The following LVRN variants were observed in gnomAD, a reference collection of about 807,000 sequenced individuals.
LVRN encodes laeverin.
In LVRN, 99 loss-of-function variants were observed where a neutral mutation model predicts 111.4. The ratio of observed to expected loss-of-function variants is 0.89; its 90% confidence interval spans 0.76 to 1.05. The LOEUF is 1.05. LVRN is among the 50% of genes least tolerant of loss of function. The probability of loss-of-function intolerance (pLI) is 0.00; values close to 1 mark genes in which losing one functional copy is unlikely to be tolerated. For missense variants in LVRN, 1,414 were observed against 1,206.8 expected (o/e 1.17, Z -2.54); for synonymous variants, 488 against 449.5 (o/e 1.09, Z -1.08).
intron 13 of LVRN, among the ~76,000 whole-genome samples, chr5:116,009,371 C>T (rs1287809102): frequency 6.6e-6 from 1 of 152,198 alleles, no homozygotes; most frequent in Admixed American, 6.6e-5. Flanking sequence ...TTCATGCCCA[C>T]TAACACAATA....
At chr5:115,986,678 G>A (rs542035373) in intron 3 of LVRN, among the ~76,000 whole-genome samples, 155 of 152,256 alleles carry the variant, frequency 1.0e-3, no homozygotes, top group Non-Finnish European at 2.0e-3. Flanking sequence ...TTCTCATTAA[G>A]TAACAGATAA....
At chr5:115,997,747 A>G (rs1044808861) in intron 6 of LVRN, among the ~76,000 whole-genome samples, 2 of 152,170 alleles carry the variant, frequency 1.3e-5, no homozygotes, top group Non-Finnish European at 2.9e-5. Context: ...ACAGATTCAT[A>G]TTATCTAATC....
intron 13 of LVRN, among the ~76,000 whole-genome samples, chr5:116,008,181 A>C (rs144032119): frequency 1.0e-3 from 158 of 151,948 alleles, no homozygotes; most frequent in African/African-American, 3.6e-3. Flanking sequence ...TCTCTACTAA[A>C]AATACAAAAA....
chr5:116,015,084 A>C (rs1561569151), intron 16 of LVRN, among the ~76,000 whole-genome samples, 168 bp from the exon 17 acceptor site: 1 of 152,144 alleles, frequency 6.6e-6, no homozygotes, highest in South Asian at 2.1e-4. Flanking sequence ...ATCTCTTCTC[A>C]TGGAACTAAT....
intron 6 of LVRN, among the ~76,000 whole-genome samples, chr5:115,999,006 G>T (rs566229996): frequency 6.6e-6 from 1 of 152,214 alleles, no homozygotes; most frequent in Non-Finnish European, 1.5e-5. Context: ...AAGATAGTCA[G>T]TAGGGACTTG....
At chr5:115,963,524 T>C (rs1304574373) in intron 1 of LVRN, among the ~76,000 whole-genome samples, 1 of 152,192 alleles carries the variant, frequency 6.6e-6, no homozygotes, top group African/African-American at 2.4e-5. Flanking sequence ...TTGTTACATA[T>C]GTATACGTGT....
At chr5:116,004,554 T>G (rs1455090611) in intron 12 of LVRN, among the ~76,000 whole-genome samples, 2 of 152,214 alleles carry the variant, frequency 1.3e-5, no homozygotes, top group African/African-American at 4.8e-5. Context: ...TGTTCCTGTT[T>G]TGTTCATTGT....
At chr5:116,005,406 C>A (rs144577247) in intron 12 of LVRN, among the ~76,000 whole-genome samples, 1 of 152,178 alleles carries the variant, frequency 6.6e-6, no homozygotes, top group Non-Finnish European at 1.5e-5. Flanking sequence ...CCCTGCCATT[C>A]CATGGATGTA....
At chr5:115,965,941 G>A (rs943608337) in intron 1 of LVRN, among the ~76,000 whole-genome samples, 4 of 151,974 alleles carry the variant, frequency 2.6e-5, no homozygotes, top group African/African-American at 9.7e-5. Flanking sequence ...GACTAATATG[G>A]TATCTCATAC....
intron 5 of LVRN, 66 bp from the exon 6 acceptor site, chr5:115,993,675 A>G: frequency 3.8e-6 from 4 of 1,048,384 alleles, no homozygotes; most frequent in South Asian, 1.5e-5. Context: ...TTAACATGCA[A>G]TTACAACGAA....
chr5:115,986,783 A>G (rs1747873814), intron 3 of LVRN, among the ~76,000 whole-genome samples: 1 of 152,256 alleles, frequency 6.6e-6, no homozygotes, highest in African/African-American at 2.4e-5. Context: ...TTCTAGAAAT[A>G]CTTTTAAGCA....
At chr5:115,985,721 C>T (rs1020769037) in intron 3 of LVRN, among the ~76,000 whole-genome samples, 4 of 152,180 alleles carry the variant, frequency 2.6e-5, no homozygotes, top group African/African-American at 4.8e-5. Context: ...AGCACTCTGT[C>T]CTGAAATAGC....
intron 3 of LVRN, among the ~76,000 whole-genome samples, chr5:115,985,072 A>G (rs925627738): frequency 6.6e-6 from 1 of 152,160 alleles, no homozygotes. Context: ...GCCCAGGGTT[A>G]ATGGTGTCTT....
chr5:116,025,640 G>T (rs1056387468), intron 19 of LVRN, among the ~76,000 whole-genome samples: 1 of 152,146 alleles, frequency 6.6e-6, no homozygotes, highest in Non-Finnish European at 1.5e-5. Flanking sequence ...AAAAAATTGG[G>T]GGGGTTCACT....
intron 1 of LVRN, 128 bp downstream of exon 1, chr5:115,963,440 GTTTTCTT>G (rs1178945125): frequency 3.2e-6 from 2 of 624,410 alleles, no homozygotes; most frequent in Non-Finnish European, 2.6e-6. Context: ...CCCTTGCGAC[GTTTTCTT>G]TTTTCTTTTT....
At chr5:116,022,760 C>T (rs923260164) in intron 19 of LVRN, among the ~76,000 whole-genome samples, 1 of 152,280 alleles carries the variant, frequency 6.6e-6, no homozygotes, top group African/African-American at 2.4e-5. Context: ...CCATCACTGC[C>T]AGTCATTGCC....
At position 115,987,931 on chromosome 5, in the gene LVRN, CA is replaced by C; in HGVS notation, c.1102del (p.Thr368GlnfsTer3). The C allele has an allele frequency of 6.2e-7, 1 of 1,608,196 alleles. No individual in the cohort carries two copies. The highest frequency in any genetic ancestry group is 8.5e-7 in the Non-Finnish European group (1 of 1,178,176). On this transcript the variant is annotated frameshift_variant, in exon 4 of 20. Transcript: ENST00000357872. LOFTEE classifies it high-confidence loss of function. The stretch of plus-strand genomic sequence containing the variant: ...TTGTTTAATATCAGTTACTCTCTTC[CA>C]AAAACAGGTGAGGTAATCTTTTCCT... The part of the protein sequence containing the change: ...EDLFNISYSL[P>X]KTDIIALPSF...
chr5:116,015,628 A>C lies in LVRN; in HGVS notation c.2619A>C (p.Arg873Ser). ...SCSKDPWILN[R>S]YMEYAISTSP... ...ATTTTTTGAAAATGCACTTTTGCAG[A>C]TATATGGAGTATGCCATCAGCACAT... The change falls in exon 18 of 20, where the codon AGA (arginine) becomes AGC (serine). Residue 873 changes from arginine to serine, a missense_variant and splice_region_variant. Arg to Ser is a moderately radical substitution (Grantham distance 110, BLOSUM62 -1). Transcript: ENST00000357872. The C allele has an allele frequency of 6.2e-7, 1 of 1,602,922 alleles. No homozygotes were observed.
intron 16 of LVRN, among the ~76,000 whole-genome samples, 158 bp downstream of exon 16, chr5:116,014,685 GT>G (rs888881230): frequency 3.0e-4 from 45 of 152,272 alleles, no homozygotes; most frequent in African/African-American, 1.0e-3. Context: ...AAAAACCAGT[GT>G]TTAATGTGGG....
Sources: gnomAD v4.1 joint callset for allele counts (sites outside exome capture counted in the v4.1 genomes callset) on GRCh38, gnomAD v4.1.1 for gene constraint, MANE v1.5 for transcripts, NCBI Gene and HGNC (gene_info 2026-07-23, HGNC 2026-07-21) for gene names.